Variants in RAPGEF1 observed in about 807,000 individuals in gnomAD.
The protein encoded by RAPGEF1 is Rap guanine nucleotide exchange factor 1.
Under a neutral mutation model 143.3 loss-of-function variants are expected in RAPGEF1, and 33 were observed. That is an observed-to-expected ratio of 0.23 (90% confidence interval 0.17 to 0.31). The LOEUF is 0.31. Ranked by LOEUF, RAPGEF1 falls within the 10% of genes least tolerant of loss-of-function variation. RAPGEF1 has a pLI of 1.00. For synonymous variants in RAPGEF1, 629 were observed against 676.5 expected, an observed-to-expected ratio of 0.93 and a Z score of 1.09; for missense variants, 1,199 against 1,645.4, an observed-to-expected ratio of 0.73 and a Z score of 4.69.
chr9:131,732,798 G>A (rs1056358643), intron 1 of RAPGEF1, among the ~76,000 whole-genome samples: 1 of 152,186 alleles, frequency 6.6e-6, no homozygotes, highest in Non-Finnish European at 1.5e-5. Flanking sequence ...CATTCTTTTA[G>A]TAAGTATTTA....
intron 1 of RAPGEF1, among the ~76,000 whole-genome samples, chr9:131,656,457 G>C (rs1414885290): frequency 5.3e-5 from 8 of 152,238 alleles, no homozygotes; most frequent in Admixed American, 5.2e-4. Flanking sequence ...TGGGCTGTCA[G>C]AGCAGTTTCC....
At chr9:131,643,461 G>A (rs765287738) in intron 3 of RAPGEF1, 44 bp from the exon 4 acceptor site, 4 of 1,542,902 alleles carry the variant, frequency 2.6e-6, no homozygotes, top group South Asian at 2.5e-5. Flanking sequence ...AGAGATTAAA[G>A]GGAGCTATTT....
Position 131,626,275 on chromosome 9 carries a change from G to C in RAPGEF1, c.1349C>G (p.Pro450Arg). 2 of 1,614,010 alleles carry C rather than the reference G, an allele frequency of 1.2e-6. No homozygotes were observed. The highest frequency in any genetic ancestry group is 2.2e-5 in the South Asian group (2 of 91,070). Residue 450 changes from proline to arginine, a missense_variant, in exon 10 of 27, where the codon CCT becomes CGT. Pro to Arg is a moderately radical substitution (Grantham distance 103). Coordinates refer to ENST00000683357, the MANE Select transcript of RAPGEF1 (RefSeq NM_001377935.1). ...SPFLGPPFQLPLGGHPQPDGP... is the reference protein window; with the variant it reads ...SPFLGPPFQLRLGGHPQPDGP... ...GTCTGGCTGGGGATGGCCGCCAAGA[G>C]GCAGCTGGAAAGGAGGGCCAAGAAA... is the stretch of plus-strand genomic sequence containing the variant.
At chr9:131,645,903 A>T (rs1190731039) in intron 3 of RAPGEF1, among the ~76,000 whole-genome samples, 2 of 152,224 alleles carry the variant, frequency 1.3e-5, no homozygotes, top group Non-Finnish European at 1.5e-5. Context: ...AAATGGGGAG[A>T]ATAACATCTG....
In RAPGEF1 at chr9:131,668,678, C is replaced by T. The variant is rs186991198; in HGVS notation, c.62-17729G>A. 7.2e-5 allele frequency among the ~76,000 whole-genome samples: 11 copies of T among 152,310 alleles called. No homozygotes were observed. The East Asian group carries it at 2.1e-3, about 29-fold the overall frequency. On this transcript the variant is annotated intron_variant, in intron 1 of 26. Transcript: ENST00000683357. ...CCAGGGAAGCGTTTCTTTTCCATTA[C>T]TGTTAGGCATTGATCTAGAGATGAA...
intron 5 of RAPGEF1, among the ~76,000 whole-genome samples, chr9:131,632,027 C>G (rs1291118677): frequency 6.6e-6 from 1 of 152,176 alleles, no homozygotes; most frequent in Non-Finnish European, 1.5e-5. Context: ...TCCTAGCACT[C>G]TGGAAGGCTG....
intron 1 of RAPGEF1, among the ~76,000 whole-genome samples, chr9:131,684,453 T>A (rs1214784210): frequency 3.3e-5 from 5 of 152,208 alleles, no homozygotes; most frequent in Non-Finnish European, 2.9e-5. Context: ...ATTACTAGTA[T>A]CCCATACAAT....
intron 1 of RAPGEF1, among the ~76,000 whole-genome samples, chr9:131,663,862 C>T (rs1829996644): frequency 6.6e-6 from 1 of 152,132 alleles, no homozygotes; most frequent in Non-Finnish European, 1.5e-5. Flanking sequence ...ATCTTGTTCC[C>T]TAACAAATTT....
At position 131,628,691 on chromosome 9, in the gene RAPGEF1, T is replaced by C. The variant is rs772321181; in HGVS notation, c.894-19A>G. On this transcript the variant is annotated intron_variant, in intron 7 of 26. Transcript: ENST00000683357. The surrounding 1 kb of genome is among the most constrained non-coding windows in gnomAD (Gnocchi z 5.7). Reference sequence around the variant, plus strand: ...TGGAGGACTGAAACAGACCGAAACGTCCAGGCAGACCAAACCACACTCACC... The same window carrying C: ...TGGAGGACTGAAACAGACCGAAACGCCCAGGCAGACCAAACCACACTCACC... The C allele has an allele frequency of 1.3e-6, 2 of 1,582,950 alleles. No individual in the cohort carries two copies. Among genetic ancestry groups the C allele is most frequent in the Non-Finnish European group, 1.7e-6 (2 of 1,159,460 alleles).
In RAPGEF1 at chr9:131,740,075, A is replaced by T. The variant is rs1837652529; in HGVS notation, c.-245T>A. ...CCCGCGAGCCGGCCGCAGCGCAGCGACGCCGCCCGCCCGCCCGCCGGGCCT... is the reference window on the plus strand; with the variant it reads ...CCCGCGAGCCGGCCGCAGCGCAGCGTCGCCGCCCGCCCGCCCGCCGGGCCT... On this transcript the variant is annotated 5_prime_UTR_variant, in exon 1 of 27. Transcript: ENST00000683357. The surrounding 1 kb of genome is among the most constrained non-coding windows in gnomAD (Gnocchi z 4.5). 1 of 142,876 alleles carries T rather than the reference A, an allele frequency of 7.0e-6. No individual in the cohort carries two copies. The highest frequency in any genetic ancestry group is 1.5e-5 in the Non-Finnish European group (1 of 64,888). 8.9% of individuals were successfully genotyped at this position (142,876 alleles called of 1,614,324 possible).
rs201700617 is a variant in RAPGEF1 at position 131,610,533 on chromosome 9, A to T, written c.2062-5345T>A. Reference sequence around the variant, plus strand: ...GCTCAAGTAAGGCTTATGACTTCAGAGTTTTTGGATGCTACTTAGCAAAAC... The same window carrying T: ...GCTCAAGTAAGGCTTATGACTTCAGTGTTTTTGGATGCTACTTAGCAAAAC... On this transcript the variant is annotated intron_variant, in intron 12 of 26. Transcript: ENST00000683357. Among the ~76,000 whole-genome samples the T allele has an allele frequency of 2.0e-5, 3 of 152,260 alleles. No homozygotes were observed. The East Asian group carries it at 5.8e-4, about 29-fold the overall frequency.
intron 17 of RAPGEF1, among the ~76,000 whole-genome samples, chr9:131,593,335 A>G (rs1954680567): frequency 6.6e-6 from 1 of 152,224 alleles, no homozygotes; most frequent in South Asian, 2.1e-4. Flanking sequence ...CTGATATTAC[A>G]GAATGAAGTG....
intron 12 of RAPGEF1, among the ~76,000 whole-genome samples, chr9:131,614,194 C>G (rs1195935155): frequency 6.6e-6 from 1 of 152,318 alleles, no homozygotes; most frequent in East Asian, 1.9e-4. Flanking sequence ...CCCCGGCTAC[C>G]GGGTTCTGCC....
chr9:131,671,234 A>T (rs930972368), intron 1 of RAPGEF1, among the ~76,000 whole-genome samples: 3 of 152,202 alleles, frequency 2.0e-5, no homozygotes, highest in Admixed American at 2.0e-4. Flanking sequence ...GTCTCCTGGA[A>T]TTGAAGTTCT....
chr9:131,636,350 T>A (rs1966376627), intron 5 of RAPGEF1, among the ~76,000 whole-genome samples: 2 of 152,262 alleles, frequency 1.3e-5, no homozygotes, highest in Admixed American at 1.3e-4. Context: ...TTGTTCTGGC[T>A]AAAATATTTT....
In RAPGEF1 at chr9:131,727,592, G is replaced by C. The variant is rs182774932; in HGVS notation, c.61+12178C>G. ...CATTTCTGGTGATCATGACTCACAC[G>C]CTCCCCATGACTTTAGCCTACAGAA... On this transcript the variant is annotated intron_variant, in intron 1 of 26. Transcript: ENST00000683357. Among the ~76,000 whole-genome samples, 204 of 152,188 alleles carry C rather than the reference G, an allele frequency of 1.3e-3. 5 individuals are homozygous for C. The highest frequency in any genetic ancestry group is 0.013 in the Admixed American group (203 of 15,270).
In RAPGEF1 at chr9:131,580,339, T is replaced by G; in HGVS notation, c.3565A>C (p.Ile1189Leu). The change falls in exon 26 of 27, where the codon ATC becomes CTC. Residue 1189 changes from isoleucine (I) to leucine (L), a missense_variant. Coordinates refer to ENST00000683357, the MANE Select transcript of RAPGEF1 (RefSeq NM_001377935.1). ...TFVHLGNPDYIDGKVNFSKRW... is the reference protein window; with the variant it reads ...TFVHLGNPDYLDGKVNFSKRW... ...TTGGAGAAGTTCACTTTCCCGTCGATGTAGTCTGGGTTTCCCAGGTGAACG... is the reference window on the plus strand; with the variant it reads ...TTGGAGAAGTTCACTTTCCCGTCGAGGTAGTCTGGGTTTCCCAGGTGAACG... 6.2e-7 allele frequency: 1 copy of G among 1,613,956 alleles called. No homozygotes were observed. The highest frequency in any genetic ancestry group is 8.5e-7 in the Non-Finnish European group (1 of 1,179,852).
At chr9:131,732,467 G>A (rs1837139069) in intron 1 of RAPGEF1, among the ~76,000 whole-genome samples, 1 of 152,182 alleles carries the variant, frequency 6.6e-6, no homozygotes, top group Admixed American at 6.5e-5. Flanking sequence ...GTGCACTCAA[G>A]TGGAAGCTCA....
chr9:131,723,067 G>A (rs1164538728), intron 1 of RAPGEF1, among the ~76,000 whole-genome samples: 1 of 151,968 alleles, frequency 6.6e-6, no homozygotes, highest in Non-Finnish European at 1.5e-5. Flanking sequence ...GGTGGTACAT[G>A]CCTGTAGCCC....
Sources: gnomAD v4.1 joint callset for allele counts (sites outside exome capture counted in the v4.1 genomes callset) on GRCh38, gnomAD v4.1.1 for gene constraint, Gnocchi (gnomAD v3.1) non-coding constraint, MANE v1.5 for transcripts, NCBI Gene and HGNC (gene_info 2026-07-23, HGNC 2026-07-21) for gene names.